SLC71A2: variants seen among roughly 807,000 people sequenced by gnomAD.
SLC71A2 encodes hippocampus abundant transcript-like 1.
At chr9:94,449,243 T>C in the SLC71A2 span, among the ~76,000 whole-genome samples, 1 of 152,228 alleles carries the variant, frequency 6.6e-6, no homozygotes, top group Non-Finnish European at 1.5e-5. Flanking sequence ...CATTCCATAT[T>C]ATTTTATATT....
the SLC71A2 span, among the ~76,000 whole-genome samples, chr9:94,454,844 C>T: frequency 6.6e-6 from 1 of 152,094 alleles, no homozygotes; most frequent in Non-Finnish European, 1.5e-5. Context: ...CATTCTGCCG[C>T]AGTTATTACT....
the SLC71A2 span, among the ~76,000 whole-genome samples, chr9:94,440,367 A>G: frequency 6.6e-6 from 1 of 152,036 alleles, no homozygotes; most frequent in Non-Finnish European, 1.5e-5. Context: ...GTTAGCCAGG[A>G]TGGTCTCAAT....
chr9:94,443,630 AAC>A, the SLC71A2 span, among the ~76,000 whole-genome samples: 4 of 152,192 alleles, frequency 2.6e-5, no homozygotes, highest in Non-Finnish European at 5.9e-5. Context: ...TTTAGATAAA[AAC>A]ACAGACTAAG....
the SLC71A2 span, among the ~76,000 whole-genome samples, chr9:94,449,034 T>A: frequency 6.6e-6 from 1 of 152,232 alleles, no homozygotes; most frequent in Non-Finnish European, 1.5e-5. Flanking sequence ...TGTGTCTAAA[T>A]TAATTTGTGC....
chr9:94,435,647 CTTCTTTTTTT>C, the SLC71A2 span, among the ~76,000 whole-genome samples: 4 of 81,838 alleles, frequency 4.9e-5, no homozygotes, highest in African/African-American at 1.1e-4. Context: ...CTTTTTCCTT[CTTCTTTTTTT>C]TTTTTTTTTT....
the SLC71A2 span, among the ~76,000 whole-genome samples, chr9:94,435,303 C>A: frequency 6.6e-6 from 1 of 152,220 alleles, no homozygotes; most frequent in Non-Finnish European, 1.5e-5. Flanking sequence ...ATCACCACAT[C>A]TACTATCCAC....
the SLC71A2 span, chr9:94,456,337 G>A: frequency 1.2e-6 from 2 of 1,612,874 alleles, no homozygotes; most frequent in Non-Finnish European, 1.7e-6. Context: ...AGATCAGCAA[G>A]GTGAGGTCAC....
chr9:94,456,107 T>G, the SLC71A2 span: 4 of 594,076 alleles, frequency 6.7e-6, no homozygotes, highest in Non-Finnish European at 1.1e-5. Flanking sequence ...AAATGCATTT[T>G]TAAAGAGGAA....
chr9:94,384,879 A>G, the SLC71A2 span, among the ~76,000 whole-genome samples: 3,357 of 151,940 alleles, frequency 0.022, 49 homozygotes, highest in Non-Finnish European at 0.034. Flanking sequence ...CCTGCCCTTA[A>G]TTAATGGATT....
chr9:94,397,753 C>A, the SLC71A2 span, among the ~76,000 whole-genome samples: 2 of 152,120 alleles, frequency 1.3e-5, no homozygotes, highest in African/African-American at 4.8e-5. Context: ...TGAGATTAAT[C>A]TTGTTGTTTT....
chr9:94,453,968 T>G, the SLC71A2 span: 2 of 1,612,858 alleles, frequency 1.2e-6, no homozygotes, highest in East Asian at 4.5e-5. Flanking sequence ...ACGGCCTTTC[T>G]TAGCATCTTG....
At chr9:94,455,173 TTTTTTTTTGA>T in the SLC71A2 span, among the ~76,000 whole-genome samples, 86 of 99,930 alleles carry the variant, frequency 8.6e-4, no homozygotes, top group African/African-American at 3.4e-3. Context: ...TTTTTTTTTT[TTTTTTTTTGA>T]GAGAGAGAGG....
the SLC71A2 span, among the ~76,000 whole-genome samples, chr9:94,380,087 G>A: frequency 6.6e-6 from 1 of 152,134 alleles, no homozygotes; most frequent in East Asian, 1.9e-4. Context: ...CTGACGCGGT[G>A]AAACCCTGTC....
chr9:94,430,604 CG>C, the SLC71A2 span, among the ~76,000 whole-genome samples: 20 of 152,168 alleles, frequency 1.3e-4, no homozygotes, highest in Admixed American at 1.1e-3. Context: ...TCCTAGAAAA[CG>C]CAGCACTTCT....
the SLC71A2 span, among the ~76,000 whole-genome samples, chr9:94,414,959 A>C: frequency 6.6e-6 from 1 of 152,200 alleles, no homozygotes; most frequent in Non-Finnish European, 1.5e-5. Context: ...CACCCAACCG[A>C]AAGTCTGTAA....
chr9:94,434,912 C>CT, the SLC71A2 span, among the ~76,000 whole-genome samples: 1 of 152,132 alleles, frequency 6.6e-6, no homozygotes, highest in African/African-American at 2.4e-5. Flanking sequence ...CATCCAAACT[C>CT]TAACTATTAT....
chr9:94,381,241 G>C, the SLC71A2 span, among the ~76,000 whole-genome samples: 17 of 149,692 alleles, frequency 1.1e-4, no homozygotes, highest in Non-Finnish European at 2.2e-4. Flanking sequence ...TCTCCATGTT[G>C]GTCAGGCTGG....
chr9:94,424,320 C>T, the SLC71A2 span, among the ~76,000 whole-genome samples: 3 of 151,824 alleles, frequency 2.0e-5, no homozygotes, highest in East Asian at 2.0e-4. Flanking sequence ...CTGCAACCTC[C>T]GCCTTCTGGG....
chr9:94,390,376 T>C, the SLC71A2 span, among the ~76,000 whole-genome samples: 53 of 149,588 alleles, frequency 3.5e-4, no homozygotes, highest in South Asian at 0.011. Flanking sequence ...AAGGTGCTTT[T>C]CATATGTTGA....
Sources: gnomAD v4.1 joint callset for allele counts (sites outside exome capture counted in the v4.1 genomes callset) on GRCh38, gnomAD v4.1.1 for gene constraint, MANE v1.5 for transcripts, NCBI Gene and HGNC (gene_info 2026-07-23, HGNC 2026-07-21) for gene names.